Variants in ATP8A2 observed in about 807,000 individuals in gnomAD.
ATP8A2 encodes the protein phospholipid-transporting ATPase IB.
In ATP8A2, 100 loss-of-function variants were observed where a neutral mutation model predicts 165.6. The ratio of observed to expected loss-of-function variants is 0.60; its 90% CI spans 0.51 to 0.71. The LOEUF is 0.71. Ranked by LOEUF, ATP8A2 falls within the 30% of genes least tolerant of loss-of-function variation. The pLI is 0.00. For synonymous variants in ATP8A2, 543 were observed against 548.8 expected, an observed-to-expected ratio of 0.99 and a Z score of 0.15; for missense variants, 1,227 against 1,479.5, an observed-to-expected ratio of 0.83 and a Z score of 2.80.
At chr13:25,963,578 G>A (rs892283573) in intron 34 of ATP8A2, among the ~76,000 whole-genome samples, 2 of 152,094 alleles carry the variant, frequency 1.3e-5, no homozygotes, top group African/African-American at 4.8e-5. Flanking sequence ...ACATCAGCTG[G>A]CCTTTTCTAT....
intron 1 of ATP8A2, among the ~76,000 whole-genome samples, chr13:25,455,641 C>T (rs2035346161): frequency 6.6e-6 from 1 of 152,054 alleles, no homozygotes; most frequent in Non-Finnish European, 1.5e-5. Flanking sequence ...AGGAAGAGTG[C>T]CAAGAATGCC....
chr13:25,907,193 C>T (rs780267664), intron 33 of ATP8A2, among the ~76,000 whole-genome samples: 10 of 152,016 alleles, frequency 6.6e-5, no homozygotes, highest in African/African-American at 1.2e-4. Flanking sequence ...CTGTGCTACC[C>T]GTGTGGAGAT....
chr13:25,375,162 C>A (rs955150719), intron 1 of ATP8A2, among the ~76,000 whole-genome samples: 1 of 152,170 alleles, frequency 6.6e-6, no homozygotes, highest in Non-Finnish European at 1.5e-5. Context: ...TTACAGTCTG[C>A]TCAGGGTGGA....
At chr13:25,489,555 AC>A (rs1593390313) in intron 2 of ATP8A2, among the ~76,000 whole-genome samples, 1 of 152,134 alleles carries the variant, frequency 6.6e-6, no homozygotes, top group East Asian at 1.9e-4. Flanking sequence ...ATCCTTGATG[AC>A]AAAGTCTGTC....
intron 24 of ATP8A2, among the ~76,000 whole-genome samples, chr13:25,650,425 T>C (rs1249197928): frequency 1.3e-5 from 2 of 152,200 alleles, no homozygotes; most frequent in African/African-American, 4.8e-5. Context: ...AATTCTAATA[T>C]GTAGATTATT....
chr13:25,543,036 G>A (rs1021910256), intron 9 of ATP8A2, among the ~76,000 whole-genome samples: 1 of 152,104 alleles, frequency 6.6e-6, no homozygotes, highest in African/African-American at 2.4e-5. Context: ...AGGATCATGA[G>A]AGATATAATT....
At chr13:25,870,172 C>T (rs930914227) in intron 33 of ATP8A2, among the ~76,000 whole-genome samples, 1 of 152,188 alleles carries the variant, frequency 6.6e-6, no homozygotes, top group Admixed American at 6.5e-5. Context: ...TGACGGCGCG[C>T]GGGTGCCTGT....
At chr13:26,018,916 A>T (rs1446418423) in intron 36 of ATP8A2, among the ~76,000 whole-genome samples, 1 of 152,242 alleles carries the variant, frequency 6.6e-6, no homozygotes, top group Admixed American at 6.5e-5. Flanking sequence ...GACACATGGC[A>T]TTTAATGAGT....
At chr13:25,793,395 C>G (rs1437298033) in intron 27 of ATP8A2, among the ~76,000 whole-genome samples, 1 of 152,054 alleles carries the variant, frequency 6.6e-6, no homozygotes, top group African/African-American at 2.4e-5. Flanking sequence ...GAAAACCTGC[C>G]CAGCCATTTC....
chr13:25,987,810 A>G (rs1956302647), intron 35 of ATP8A2, among the ~76,000 whole-genome samples: 1 of 152,202 alleles, frequency 6.6e-6, no homozygotes, highest in Admixed American at 6.5e-5. Context: ...ACAACTAACA[A>G]TAAAAAAGGC....
At chr13:25,821,399 T>C (rs1403017752) in intron 27 of ATP8A2, among the ~76,000 whole-genome samples, 1 of 152,216 alleles carries the variant, frequency 6.6e-6, no homozygotes. Flanking sequence ...TCACTCAGTC[T>C]TTGAAATAAT....
intron 33 of ATP8A2, among the ~76,000 whole-genome samples, chr13:25,868,806 G>A (rs1249678124): frequency 6.6e-6 from 1 of 151,904 alleles, no homozygotes; most frequent in East Asian, 1.9e-4. Flanking sequence ...CAAAACTATA[G>A]CAACAACAAC....
chr13:25,946,758 G>GT (rs956382802), intron 33 of ATP8A2, among the ~76,000 whole-genome samples: 1 of 142,114 alleles, frequency 7.0e-6, no homozygotes, highest in Admixed American at 7.0e-5. Context: ...TGTTTGTTTT[G>GT]TTTTTTTGAG....
chr13:25,521,040 C>CT (rs1435007207), intron 2 of ATP8A2, among the ~76,000 whole-genome samples: 1 of 152,124 alleles, frequency 6.6e-6, no homozygotes, highest in Non-Finnish European at 1.5e-5. Context: ...TCTTCCCTGT[C>CT]TTTTTTATAA....
chr13:25,986,094 C>T (rs941573440), intron 35 of ATP8A2, among the ~76,000 whole-genome samples: 8 of 152,022 alleles, frequency 5.3e-5, no homozygotes, highest in African/African-American at 1.9e-4. Flanking sequence ...GTATAATTGA[C>T]AAATAAAAAT....
At chr13:25,530,468 A>T (rs773263150) in intron 3 of ATP8A2, 94 bp from the exon 4 acceptor site, 2 of 733,092 alleles carry the variant, frequency 2.7e-6, no homozygotes, top group Non-Finnish European at 4.8e-6. Flanking sequence ...ACAGAACTGC[A>T]AAAGTGTGAA....
At chr13:25,852,573 A>C (rs1448873102) in intron 30 of ATP8A2, among the ~76,000 whole-genome samples, 3 of 152,168 alleles carry the variant, frequency 2.0e-5, no homozygotes, top group African/African-American at 7.2e-5. Flanking sequence ...CAGTATTTCA[A>C]ATGAGTACTT....
Position 25,667,184 on chromosome 13 carries a change from C to G in ATP8A2, c.2212-31989C>G, listed in dbSNP as rs1344872223. Among the ~76,000 whole-genome samples, 9 of 152,258 alleles carry G rather than the reference C, an allele frequency of 5.9e-5. No homozygotes were observed. The East Asian group carries it at 9.6e-4, about 16-fold the overall frequency. On this transcript the variant is annotated intron_variant, in intron 24 of 36. Transcript: ENST00000381655. Reference sequence around the variant, plus strand: ...AAAATCACCAGTCTGTTTTCTGTCTCTATGGATTTACCCACTCTGATTATT... The same window carrying G: ...AAAATCACCAGTCTGTTTTCTGTCTGTATGGATTTACCCACTCTGATTATT...
At chr13:25,563,812 C>T in intron 15 of ATP8A2, 144 bp from the exon 16 acceptor site, 1 of 577,038 alleles carries the variant, frequency 1.7e-6, no homozygotes, top group Non-Finnish European at 3.1e-6. Context: ...AATAATAATA[C>T]AGAATTTCAA....
Sources: allele counts gnomAD v4.1 joint callset (sites outside exome capture counted in the v4.1 genomes callset), GRCh38; gene constraint gnomAD v4.1.1; transcripts MANE v1.5; gene names NCBI Gene and HGNC (gene_info 2026-07-23, HGNC 2026-07-21).